The following GATB variants were observed in gnomAD, a reference collection of about 807,000 sequenced individuals.
GATB encodes the protein glutamyl-tRNA amidotransferase subunit B, also known as glutamyl-tRNA(Gln) amidotransferase subunit B, mitochondrial.
Under a neutral mutation model 62.3 loss-of-function variants are expected in GATB, and 39 were observed. That is an observed-to-expected ratio of 0.63 (90% CI 0.48 to 0.82). The LOEUF is 0.82. Ranked by LOEUF, GATB falls within the 40% of genes least tolerant of loss-of-function variation. The pLI is 0.00. For synonymous variants in GATB, 276 were observed against 258.9 expected (o/e 1.07, Z -0.63); for missense variants, 670 against 684.0 (o/e 0.98, Z 0.23).
At chr4:151,741,072 C>T (rs527929725) in intron 2 of GATB, among the ~76,000 whole-genome samples, 1 of 152,204 alleles carries the variant, frequency 6.6e-6, no homozygotes, top group African/African-American at 2.4e-5. Flanking sequence ...GGATAGGTTC[C>T]AAGACCCCTG....
chr4:151,738,802 T>C (rs1280141125), intron 2 of GATB, among the ~76,000 whole-genome samples: 2 of 152,244 alleles, frequency 1.3e-5, no homozygotes, highest in African/African-American at 2.4e-5. Flanking sequence ...CTATGTTTTG[T>C]CGGAAATGAA....
In GATB at chr4:151,671,124, C is replaced by A; in HGVS notation, c.*50G>T. The A allele has an allele frequency of 6.2e-7, 1 of 1,608,426 alleles. No homozygotes were observed. The highest frequency in any genetic ancestry group is 1.1e-5 in the South Asian group (1 of 90,738). On this transcript the variant is annotated 3_prime_UTR_variant, in exon 13 of 13. Transcript: ENST00000263985. ...GCTTTCACAGGATCCTGTTCCCAGT[C>A]AGGCTGCACTGTTTGTTGTTGTCCC...
chr4:151,683,778 T>C (rs1379647532), intron 10 of GATB, among the ~76,000 whole-genome samples: 1 of 152,202 alleles, frequency 6.6e-6, no homozygotes, highest in African/African-American at 2.4e-5. Context: ...TGCTATAGTT[T>C]CCCAATCCTT....
chr4:151,673,295 A>T (rs958002037), intron 11 of GATB: 5 of 165,900 alleles, frequency 3.0e-5, no homozygotes, highest in Non-Finnish European at 6.4e-5. Context: ...CCCATCACTC[A>T]TGGGCGCCTG....
chr4:151,743,323 TCAA>T (rs1739533218), intron 2 of GATB, among the ~76,000 whole-genome samples: 2 of 152,242 alleles, frequency 1.3e-5, no homozygotes, highest in South Asian at 4.1e-4. Flanking sequence ...TTCTTCTGAC[TCAA>T]CATTCTTGTC....
At chr4:151,678,305 A>T (rs948947693) in intron 11 of GATB, among the ~76,000 whole-genome samples, 27 of 152,040 alleles carry the variant, frequency 1.8e-4, no homozygotes, top group Admixed American at 1.6e-3. Context: ...AACATTTTCC[A>T]TTTCTTCTTA....
At chr4:151,727,167 C>T (rs1012271324) in intron 2 of GATB, among the ~76,000 whole-genome samples, 4 of 152,188 alleles carry the variant, frequency 2.6e-5, no homozygotes, top group Non-Finnish European at 5.9e-5. Context: ...GCGGTGTGCC[C>T]GCCTCAGCCT....
intron 2 of GATB, among the ~76,000 whole-genome samples, chr4:151,732,722 A>G (rs1238069571): frequency 6.6e-6 from 1 of 151,686 alleles, no homozygotes; most frequent in Non-Finnish European, 1.5e-5. Context: ...AATAAAAAAA[A>G]AAAAAAAAAG....
At chr4:151,752,597 T>G (rs1047661496) in intron 2 of GATB, among the ~76,000 whole-genome samples, 14 of 152,216 alleles carry the variant, frequency 9.2e-5, no homozygotes, top group Admixed American at 2.6e-4. Flanking sequence ...GAGCTCGTTT[T>G]TATCCTGTTT....
chr4:151,698,154 C>T (rs1738526542), intron 9 of GATB, among the ~76,000 whole-genome samples: 1 of 151,624 alleles, frequency 6.6e-6, no homozygotes. Context: ...AACACTGCTT[C>T]TCCCAGGATC....
At chr4:151,690,443 T>TA (rs1738340999) in intron 9 of GATB, among the ~76,000 whole-genome samples, 1 of 152,220 alleles carries the variant, frequency 6.6e-6, no homozygotes, top group Admixed American at 6.5e-5. Context: ...CTGCTTAACT[T>TA]ATGGAAAAGT....
At chr4:151,711,808 C>G (rs529805338) in intron 5 of GATB, among the ~76,000 whole-genome samples, 1 of 152,166 alleles carries the variant, frequency 6.6e-6, no homozygotes, top group Non-Finnish European at 1.5e-5. Flanking sequence ...TAAATGAAAT[C>G]TTATTGAGCG....
chr4:151,719,593 CT>C lies in GATB; in HGVS notation c.328-56del, dbSNP rs1738987469. The stretch of plus-strand genomic sequence containing the variant: ...AGAACCGCAGGCTGAACAAATGCTT[CT>C]CCCACACACTGACATCCTCGCTGAA... On this transcript the variant is annotated intron_variant, in intron 2 of 12. Coordinates refer to ENST00000263985, the MANE Select transcript of GATB (RefSeq NM_004564.3). The C allele has an allele frequency of 4.3e-6, 5 of 1,175,642 alleles. No individual in the cohort carries two copies. The South Asian group carries it at 7.4e-5, about 17-fold the overall frequency. 72.8% of individuals were successfully genotyped at this position (1,175,642 alleles called of 1,614,324 possible). A position where few individuals can be genotyped will look rare whatever the true frequency, so the allele number is the denominator to read the frequency against.
chr4:151,695,810 T>C (rs1438313912), intron 9 of GATB, among the ~76,000 whole-genome samples: 1 of 152,142 alleles, frequency 6.6e-6, no homozygotes, highest in East Asian at 1.9e-4. Context: ...CAGGCTGGAC[T>C]GCAGTGGCAC....
chr4:151,701,549 C>A, intron 8 of GATB, 31 bp from the exon 9 acceptor site: 1 of 1,406,486 alleles, frequency 7.1e-7, no homozygotes, highest in Non-Finnish European at 9.4e-7. Context: ...GGACCTGAAT[C>A]TGGAGTACTT....
At position 151,758,934 on chromosome 4, in the gene GATB, G is replaced by A. The variant is rs1217321578; in HGVS notation, c.177-12C>T. ...CCCATTTGTGTTCACTAAGAAGAAA[G>A]AGATAATGGTTAAGATGTATTATAT... On this transcript the variant is annotated splice_polypyrimidine_tract_variant and intron_variant, in intron 1 of 12. Coordinates refer to ENST00000263985, the MANE Select transcript of GATB (RefSeq NM_004564.3). 6.3e-7 allele frequency: 1 copy of A among 1,584,602 alleles called. No homozygotes were observed.
chr4:151,689,839 A>G lies in GATB; in HGVS notation c.1198-1076T>C, dbSNP rs377091441. Among the ~76,000 whole-genome samples, 11 of 152,262 alleles carry G rather than the reference A, an allele frequency of 7.2e-5. 1 individual carries two copies. Among genetic ancestry groups the G allele is most frequent in the African/African-American group, 2.6e-4 (11 of 41,562 alleles). The stretch of plus-strand genomic sequence containing the variant: ...CCCTGAGGCACTTACCAGGTTCTAT[A>G]CTACAGCTTGCTGCCAGCTCAGATA... On this transcript the variant is annotated intron_variant, in intron 9 of 12. Coordinates refer to ENST00000263985, the MANE Select transcript of GATB (RefSeq NM_004564.3).
At chr4:151,701,550 T>G in intron 8 of GATB, 32 bp from the exon 9 acceptor site, 1 of 1,390,020 alleles carries the variant, frequency 7.2e-7, no homozygotes, top group Non-Finnish European at 9.5e-7. Flanking sequence ...GACCTGAATC[T>G]GGAGTACTTG....
At chr4:151,732,715 A>G in intron 2 of GATB, among the ~76,000 whole-genome samples, 1 of 116,346 alleles carries the variant, frequency 8.6e-6, no homozygotes, top group African/African-American at 3.5e-5. Context: ...AATGATCAAT[A>G]AAAAAAAAAA....
Sources: gnomAD v4.1 joint callset for allele counts (sites outside exome capture counted in the v4.1 genomes callset) on GRCh38, gnomAD v4.1.1 for gene constraint, MANE v1.5 for transcripts, NCBI Gene and HGNC (gene_info 2026-07-23, HGNC 2026-07-21) for gene names.